SPATA6L: variants seen among roughly 807,000 people sequenced by gnomAD.
SPATA6L encodes the protein spermatogenesis associated 6-like protein.
SPATA6L carries 68 observed loss-of-function variants against 49.2 expected under a neutral mutation model. The ratio of observed to expected loss-of-function variants is 1.38; its 90% confidence interval spans 1.14 to 1.69. The LOEUF (loss-of-function observed/expected upper bound fraction) is 1.69, where lower values mean the gene tolerates loss of function less well. Ranked by LOEUF, SPATA6L falls within the 40% of genes most tolerant of loss-of-function variation. The probability of loss-of-function intolerance (pLI) is 0.00; values close to 1 mark genes in which losing one functional copy is unlikely to be tolerated. For missense variants in SPATA6L, 668 were observed against 464.3 expected (o/e 1.44, Z -4.03); for synonymous variants, 198 against 165.7 (o/e 1.19, Z -1.50).
At chr9:4,664,244 C>A (rs1321109093) in intron 1 of SPATA6L, 1 of 167,036 alleles carries the variant, frequency 6.0e-6, no homozygotes, top group Non-Finnish European at 1.5e-5. Context: ...GTCATCTCCA[C>A]TGAATAAAGA....
intron 9 of SPATA6L, among the ~76,000 whole-genome samples, chr9:4,611,818 T>G (rs144969262): frequency 2.0e-4 from 31 of 152,134 alleles, no homozygotes; most frequent in African/African-American, 7.5e-4. Context: ...AAAAAAAATT[T>G]TTAATCCAAA....
rs757806594 is a variant in SPATA6L, at chr9:4,662,845, G to A, written c.40-809C>T. The A allele has an allele frequency of 3.1e-6, 5 of 1,605,128 alleles. No individual in the cohort carries two copies. The highest frequency in any genetic ancestry group is 1.3e-5 in the African/African-American group (1 of 74,934). On this transcript the variant is annotated intron_variant, in intron 1 of 11. Coordinates refer to ENST00000682582, the MANE Select transcript of SPATA6L (RefSeq NM_001353486.2). The surrounding 1 kb of genome is among the most constrained non-coding windows in gnomAD (Gnocchi z 4.9). Reference sequence around the variant, plus strand: ...GGCACCCTCTACTGCCTGTGCAGGAGCGACAGCTGGGCCGGGCGCGAGGTG... The same window carrying A: ...GGCACCCTCTACTGCCTGTGCAGGAACGACAGCTGGGCCGGGCGCGAGGTG...
chr9:4,613,636 T>C (rs979062783), intron 9 of SPATA6L, among the ~76,000 whole-genome samples: 5 of 152,032 alleles, frequency 3.3e-5, no homozygotes, highest in African/African-American at 1.2e-4. Context: ...CATGCTGGAG[T>C]GCAGTGGCGC....
intron 13 of SPATA6L, among the ~76,000 whole-genome samples, chr9:4,589,461 AC>A: frequency 6.6e-6 from 1 of 152,252 alleles, no homozygotes; most frequent in Non-Finnish European, 1.5e-5. Flanking sequence ...AGTATATCCA[AC>A]CTAGTGAGAC....
chr9:4,662,255 C>T lies in SPATA6L; in HGVS notation c.40-219G>A. The T allele has an allele frequency of 2.8e-6, 4 of 1,434,396 alleles. No individual in the cohort carries two copies. Among genetic ancestry groups the T allele is most frequent in the Non-Finnish European group, 3.6e-6 (4 of 1,099,680 alleles). 88.9% of individuals were successfully genotyped at this position (1,434,396 alleles called of 1,614,324 possible). A position where few individuals can be genotyped will look rare whatever the true frequency, so the allele number is the denominator to read the frequency against. ...ACGTCTCCACCAGGTGTCACAATCGCGCTCTCGCCGGCTCCTCTCCCCGCC... is the reference window on the plus strand; with the variant it reads ...ACGTCTCCACCAGGTGTCACAATCGTGCTCTCGCCGGCTCCTCTCCCCGCC... On this transcript the variant is annotated intron_variant, in intron 1 of 11. Coordinates refer to ENST00000682582, the MANE Select transcript of SPATA6L (RefSeq NM_001353486.2). The surrounding 1 kb of genome is among the most constrained non-coding windows in gnomAD (Gnocchi z 4.9).
chr9:4,636,444 C>G (rs911481142), intron 3 of SPATA6L, among the ~76,000 whole-genome samples: 1 of 152,148 alleles, frequency 6.6e-6, no homozygotes, highest in Non-Finnish European at 1.5e-5. Flanking sequence ...GATCTTGGGT[C>G]TAATGGGATG....
At chr9:4,620,377 T>C (rs1014215381) in intron 7 of SPATA6L, among the ~76,000 whole-genome samples, 2 of 152,200 alleles carry the variant, frequency 1.3e-5, no homozygotes, top group African/African-American at 2.4e-5. Flanking sequence ...CCTGCCATCA[T>C]TCCCTTGCTT....
chr9:4,656,270 C>A (rs946750257), intron 2 of SPATA6L, among the ~76,000 whole-genome samples, 181 bp from the exon 3 acceptor site: 10 of 152,110 alleles, frequency 6.6e-5, no homozygotes, highest in Non-Finnish European at 1.0e-4. Context: ...GAAACCCTCT[C>A]TCTACAAAAA....
At chr9:4,612,339 G>T (rs1026762652) in intron 9 of SPATA6L, among the ~76,000 whole-genome samples, 2 of 152,022 alleles carry the variant, frequency 1.3e-5, no homozygotes, top group African/African-American at 4.8e-5. Flanking sequence ...AGGCCACCCA[G>T]ACTCCAAACT....
chr9:4,629,931 A>G (rs1831187494), intron 4 of SPATA6L, among the ~76,000 whole-genome samples: 1 of 151,946 alleles, frequency 6.6e-6, no homozygotes. Context: ...GGGTGAACAG[A>G]TGAACTGTGG....
At chr9:4,636,989 C>T (rs1299417815) in intron 3 of SPATA6L, among the ~76,000 whole-genome samples, 3 of 152,160 alleles carry the variant, frequency 2.0e-5, no homozygotes, top group Non-Finnish European at 2.9e-5. Context: ...CACGCTGCAA[C>T]GTTTTAAATA....
chr9:4,661,833 C>G (rs1839847881), intron 2 of SPATA6L, 66 bp downstream of exon 2: 1 of 1,560,306 alleles, frequency 6.4e-7, no homozygotes, highest in Non-Finnish European at 8.7e-7. Flanking sequence ...TGTAAGAACT[C>G]TGTTCTTTAT....
Position 4,666,414 on chromosome 9 carries a change from C to T in SPATA6L, c.-164G>A. On this transcript the variant is annotated 5_prime_UTR_variant, in exon 1 of 12. Coordinates refer to ENST00000682582, the MANE Select transcript of SPATA6L (RefSeq NM_001353486.2). ...CCGTCCCCCCCAGCCCAGGTCCCTC[C>T]CACCGGGACGGGTCTCTCACACTCG... 1.4e-6 allele frequency: 1 copy of T among 707,458 alleles called. No homozygotes were observed. The highest frequency in any genetic ancestry group is 2.5e-6 in the Non-Finnish European group (1 of 402,410). 43.8% of individuals were successfully genotyped at this position (707,458 alleles called of 1,614,324 possible). A position where few individuals can be genotyped will look rare whatever the true frequency, so the allele number is the denominator to read the frequency against.
intron 8 of SPATA6L, 71 bp from the exon 9 acceptor site, chr9:4,618,181 G>A: frequency 1.5e-6 from 2 of 1,358,954 alleles, no homozygotes; most frequent in South Asian, 1.4e-5. Flanking sequence ...GGGGGTGGGG[G>A]TTGGACAAGG....
intron 3 of SPATA6L, among the ~76,000 whole-genome samples, chr9:4,649,763 T>C (rs764254522): frequency 3.3e-5 from 5 of 152,240 alleles, no homozygotes; most frequent in African/African-American, 4.8e-5. Context: ...AAGGAAATCA[T>C]TAATGAGTGA....
rs1256012828 is a variant in SPATA6L at position 4,617,942 on chromosome 9, G to C, written c.976C>G (p.Gln326Glu). 1.2e-6 allele frequency: 2 copies of C among 1,612,864 alleles called. No homozygotes were observed. Among genetic ancestry groups the C allele is most frequent in the Non-Finnish European group, 1.7e-6 (2 of 1,179,416 alleles). Residue 326 changes from glutamine (Q) to glutamate (E), a missense_variant, in exon 9 of 12, where the codon CAG (glutamine) becomes GAG (glutamate). Coordinates refer to ENST00000682582, the MANE Select transcript of SPATA6L (RefSeq NM_001353486.2). ...QHSTSPGPLD[Q>E]PLLRERFHPG... ...ACTGACCTTTCTCTGAGAAGGGGCT[G>C]ATCCAAGGGGCCAGGAGAGGTGGAA...
intron 3 of SPATA6L, among the ~76,000 whole-genome samples, chr9:4,644,623 C>G (rs903700085): frequency 6.6e-6 from 1 of 151,248 alleles, no homozygotes; most frequent in East Asian, 1.9e-4. Flanking sequence ...TGCGTAATAG[C>G]AGAGATCAGA....
At chr9:4,654,396 G>A (rs1417040381) in intron 3 of SPATA6L, among the ~76,000 whole-genome samples, 1 of 152,184 alleles carries the variant, frequency 6.6e-6, no homozygotes, top group Non-Finnish European at 1.5e-5. Context: ...AGGCTGTGGG[G>A]TTCCGACCCC....
downstream of SPATA6L, among the ~76,000 whole-genome samples, chr9:4,596,001 A>G (rs1275522542): frequency 6.6e-6 from 1 of 152,144 alleles, no homozygotes; most frequent in African/African-American, 2.4e-5. Context: ...TACATGCTCC[A>G]CTTCACTCCA....
Sources: allele counts gnomAD v4.1 joint callset (sites outside exome capture counted in the v4.1 genomes callset), GRCh38; gene constraint gnomAD v4.1.1; non-coding constraint Gnocchi (gnomAD v3.1); transcripts MANE v1.5; gene names NCBI Gene and HGNC (gene_info 2026-07-23, HGNC 2026-07-21).